The following PREX2 variants were observed in gnomAD, a reference collection of about 807,000 sequenced individuals.
PREX2 encodes phosphatidylinositol-3,4,5-trisphosphate dependent Rac exchange factor 2, also known as phosphatidylinositol 3,4,5-trisphosphate-dependent Rac exchanger 2 protein.
Under a neutral mutation model 203.2 loss-of-function variants are expected in PREX2, and 107 were observed. The ratio of observed to expected loss-of-function variants is 0.53; its 90% CI spans 0.45 to 0.62. The LOEUF (loss-of-function observed/expected upper bound fraction) is 0.62. Among genes scored for constraint, PREX2 ranks in the 20% least tolerant of loss-of-function variants. PREX2 has a pLI of 0.00. For synonymous variants in PREX2, 672 were observed against 663.6 expected (o/e 1.01, Z -0.19); for missense variants, 1,777 against 1,955.9 (o/e 0.91, Z 1.72).
At chr8:68,088,800 G>A (rs28645360) in intron 19 of PREX2, among the ~76,000 whole-genome samples, 26,618 of 152,042 alleles carry the variant, frequency 0.18, 2,378 homozygotes, top group East Asian at 0.29. Flanking sequence ...TTTTCATGAA[G>A]ACAAAAAGGA....
rs528582772 is a variant in PREX2 at position 68,126,624 on chromosome 8, T to C, written c.3725-754T>C. Among the ~76,000 whole-genome samples, 3 of 152,250 alleles carry C rather than the reference T, an allele frequency of 2.0e-5. No individual in the cohort carries two copies. In the South Asian group the frequency reaches 6.2e-4, roughly 31 times the overall value. ...GACTCTACTGTGAATCTGTCTAGAA[T>C]AGGATATAACTTAATCTTTTTTTTC... On this transcript the variant is annotated intron_variant, in intron 30 of 39. Transcript: ENST00000288368.
Position 68,233,370 on chromosome 8 carries a change from C to T in PREX2, c.*1992C>T, listed in dbSNP as rs1813205304. The T allele has an allele frequency of 6.6e-6, 1 of 152,104 alleles. No homozygotes were observed. Among genetic ancestry groups the T allele is most frequent in the South Asian group, 2.1e-4 (1 of 4,830 alleles). The allele number at this position is 152,104 out of a possible 1,614,324, so 9.4% of individuals were successfully genotyped here. On this transcript the variant is annotated 3_prime_UTR_variant, in exon 40 of 40. Transcript: ENST00000288368. ...ATTTCAGTTGTACTTTGCCATATTT[C>T]ATGGGGCAAATTATCAGCTATATTG...
chr8:68,170,622 T>A (rs532407759), intron 35 of PREX2, among the ~76,000 whole-genome samples: 1 of 152,326 alleles, frequency 6.6e-6, no homozygotes, highest in African/African-American at 2.4e-5. Flanking sequence ...GTCAGTTGAT[T>A]GATTTCTTTC....
At chr8:68,076,232 G>T (rs1402540089) in intron 14 of PREX2, among the ~76,000 whole-genome samples, 2 of 152,118 alleles carry the variant, frequency 1.3e-5, no homozygotes, top group Non-Finnish European at 2.9e-5. Context: ...TGAGGCGAGT[G>T]GATCACCTGA....
At chr8:68,054,684 T>C (rs1479406463) in intron 9 of PREX2, among the ~76,000 whole-genome samples, 1 of 152,190 alleles carries the variant, frequency 6.6e-6, no homozygotes, top group Non-Finnish European at 1.5e-5. Flanking sequence ...ATCTATTCCA[T>C]CAGATTAACT....
At chr8:68,019,301 G>A (rs1254301811) in intron 2 of PREX2, among the ~76,000 whole-genome samples, 2 of 152,238 alleles carry the variant, frequency 1.3e-5, no homozygotes, top group East Asian at 1.9e-4. Flanking sequence ...GCTTTGAGAA[G>A]GGAGTGGGAT....
chr8:68,036,272 G>C (rs1022926788), intron 6 of PREX2, among the ~76,000 whole-genome samples: 1 of 152,124 alleles, frequency 6.6e-6, no homozygotes, highest in Non-Finnish European at 1.5e-5. Flanking sequence ...TGTCATAATA[G>C]TTAGCTCAAT....
chr8:68,124,317 A>G (rs1001184798), intron 30 of PREX2, among the ~76,000 whole-genome samples: 1 of 152,100 alleles, frequency 6.6e-6, no homozygotes, highest in Non-Finnish European at 1.5e-5. Flanking sequence ...CATAAAAAAG[A>G]ATGAGCTAAT....
At chr8:68,101,680 A>G (rs578160475) in intron 23 of PREX2, among the ~76,000 whole-genome samples, 2 of 152,342 alleles carry the variant, frequency 1.3e-5, no homozygotes, top group East Asian at 3.9e-4. Context: ...AGAAGTTTTG[A>G]AAAAGAGAGT....
At chr8:68,097,325 T>TA in intron 22 of PREX2, 124 bp downstream of exon 22, 1 of 695,928 alleles carries the variant, frequency 1.4e-6, no homozygotes, top group Non-Finnish European at 2.2e-6. Context: ...CATTCAAACT[T>TA]CTTTTTTTTT....
At chr8:68,208,662 C>G (rs1812689155) in intron 37 of PREX2, among the ~76,000 whole-genome samples, 1 of 152,068 alleles carries the variant, frequency 6.6e-6, no homozygotes, top group Non-Finnish European at 1.5e-5. Flanking sequence ...TTACATTCTT[C>G]CGACATGTAG....
At chr8:67,977,304 G>A (rs1459641120) in intron 1 of PREX2, among the ~76,000 whole-genome samples, 5 of 152,294 alleles carry the variant, frequency 3.3e-5, no homozygotes, top group South Asian at 2.1e-4. Context: ...TTGCATAACC[G>A]TGAGAAATAA....
At chr8:68,110,116 CT>C (rs1181315283) in intron 25 of PREX2, among the ~76,000 whole-genome samples, 3 of 152,112 alleles carry the variant, frequency 2.0e-5, no homozygotes, top group Non-Finnish European at 1.5e-5. Flanking sequence ...AATTGACAGC[CT>C]GCTAAGCAAT....
At chr8:68,071,756 C>G (rs1286861537) in intron 13 of PREX2, among the ~76,000 whole-genome samples, 1 of 152,052 alleles carries the variant, frequency 6.6e-6, no homozygotes, top group African/African-American at 2.4e-5. Context: ...TGTCCATGAT[C>G]TAATCAGGCA....
At chr8:68,109,649 A>G (rs1330769076) in intron 25 of PREX2, 26 bp downstream of exon 25, 61 of 1,576,474 alleles carry the variant, frequency 3.9e-5, no homozygotes, top group Non-Finnish European at 5.1e-5. Flanking sequence ...TACACTTTTA[A>G]GTTTGCCAAA....
chr8:67,965,404 T>TTATCC (rs894913252), intron 1 of PREX2, among the ~76,000 whole-genome samples: 3 of 152,116 alleles, frequency 2.0e-5, no homozygotes, highest in African/African-American at 7.2e-5. Context: ...TAGCTCGTGT[T>TTATCC]TATCCTATAT....
intron 1 of PREX2, among the ~76,000 whole-genome samples, chr8:67,968,404 G>A (rs899940814): frequency 3.9e-5 from 6 of 152,050 alleles, no homozygotes; most frequent in Admixed American, 6.6e-5. Context: ...AGCCTTTTGC[G>A]GAGCTTCATT....
At chr8:68,034,901 T>C (rs1807985688) in intron 6 of PREX2, among the ~76,000 whole-genome samples, 1 of 152,120 alleles carries the variant, frequency 6.6e-6, no homozygotes, top group African/African-American at 2.4e-5. Flanking sequence ...TGAGATAGAA[T>C]TGATTTATAT....
intron 11 of PREX2, 85 bp downstream of exon 11, chr8:68,060,864 T>A: frequency 1.2e-6 from 1 of 868,868 alleles, no homozygotes; most frequent in Non-Finnish European, 1.8e-6. Flanking sequence ...AGTTTACAAT[T>A]CCCCACATTA....
Sources: gnomAD v4.1 joint callset for allele counts (sites outside exome capture counted in the v4.1 genomes callset) on GRCh38, gnomAD v4.1.1 for gene constraint, MANE v1.5 for transcripts, NCBI Gene and HGNC (gene_info 2026-07-23, HGNC 2026-07-21) for gene names.